The following RNF170 variants were observed in gnomAD, a reference collection of about 807,000 sequenced individuals.
RNF170 encodes ring finger protein 170, also known as E3 ubiquitin-protein ligase RNF170.
In RNF170, 12 loss-of-function variants were observed where a neutral mutation model predicts 32.7. The ratio of observed to expected loss-of-function variants is 0.37; its 90% CI spans 0.24 to 0.60. The LOEUF (loss-of-function observed/expected upper bound fraction) is 0.60. RNF170 is among the 20% of genes least tolerant of loss of function. The pLI is 0.72. For missense variants in RNF170, 212 were observed against 311.2 expected (o/e 0.68, Z 2.40); for synonymous variants, 91 against 103.6 (o/e 0.88, Z 0.74).
intron 2 of RNF170, among the ~76,000 whole-genome samples, chr8:42,883,292 A>C (rs1349498893): frequency 1.3e-5 from 2 of 152,162 alleles, no homozygotes; most frequent in East Asian, 3.8e-4. Flanking sequence ...CCCAAAATCT[A>C]AAATTTAAAA....
At chr8:42,895,626 C>G (rs2130258639) in intron 1 of RNF170, among the ~76,000 whole-genome samples, 1 of 152,306 alleles carries the variant, frequency 6.6e-6, no homozygotes, top group African/African-American at 2.4e-5. Flanking sequence ...TCAGTCTGAA[C>G]AAAATGCCCA....
intron 2 of RNF170, among the ~76,000 whole-genome samples, chr8:42,885,998 G>A (rs1371341878): frequency 2.0e-5 from 3 of 152,108 alleles, no homozygotes; most frequent in Non-Finnish European, 4.4e-5. Context: ...CGAGGTGGGC[G>A]AATCAACTGA....
intron 2 of RNF170, among the ~76,000 whole-genome samples, chr8:42,885,668 G>A (rs1368563185): frequency 6.6e-6 from 1 of 152,140 alleles, no homozygotes; most frequent in African/African-American, 2.4e-5. Context: ...CTGGTGATTA[G>A]TAATGTTGAG....
chr8:42,874,142 A>T (rs753534132), intron 2 of RNF170, 136 bp from the exon 3 acceptor site: 2 of 666,890 alleles, frequency 3.0e-6, no homozygotes, highest in African/African-American at 1.8e-5. Context: ...CACTTCCAGG[A>T]CTGTACGTTT....
chr8:42,858,877 G>T (rs1335436402), intron 6 of RNF170, among the ~76,000 whole-genome samples: 1 of 152,170 alleles, frequency 6.6e-6, no homozygotes, highest in Admixed American at 6.5e-5. Flanking sequence ...CCACAGTAAG[G>T]AGTTGGAACA....
At chr8:42,892,102 C>CA (rs1414848984) in intron 1 of RNF170, among the ~76,000 whole-genome samples, 96 of 152,302 alleles carry the variant, frequency 6.3e-4, no homozygotes, top group Non-Finnish European at 1.1e-3. Flanking sequence ...GCATGACTGG[C>CA]ATGTCAACTG....
chr8:42,876,937 G>A (rs577545013), intron 2 of RNF170, among the ~76,000 whole-genome samples: 4 of 150,024 alleles, frequency 2.7e-5, no homozygotes, highest in East Asian at 2.0e-4. Flanking sequence ...TTACAGGCGT[G>A]AGCCACTGTG....
At chr8:42,895,758 T>C (rs1405426683) in intron 1 of RNF170, among the ~76,000 whole-genome samples, 1 of 152,114 alleles carries the variant, frequency 6.6e-6, no homozygotes, top group Non-Finnish European at 1.5e-5. Flanking sequence ...CAACACACTG[T>C]GATCCACCCG....
Position 42,855,757 on chromosome 8 carries a change from C to A in RNF170, c.*402G>T. Reference sequence around the variant, plus strand: ...AAAAATATTTAGATGAGTTTCACAGCTATATATTATCATATAGGTACCTGC... The same window carrying A: ...AAAAATATTTAGATGAGTTTCACAGATATATATTATCATATAGGTACCTGC... On this transcript the variant is annotated 3_prime_UTR_variant, in exon 7 of 7. Transcript: ENST00000527424. The A allele has an allele frequency of 8.0e-7, 1 of 1,254,460 alleles. No homozygotes were observed. Among genetic ancestry groups the A allele is most frequent in the Middle Eastern group, 3.4e-4 (1 of 2,952 alleles). The allele number at this position is 1,254,460 out of a possible 1,614,324, so 77.7% of individuals were successfully genotyped here. A position where few individuals can be genotyped will look rare whatever the true frequency, so the allele number is the denominator to read the frequency against.
chr8:42,854,917 T>G lies in RNF170; in HGVS notation c.*1242A>C. On this transcript the variant is annotated 3_prime_UTR_variant, in exon 7 of 7. Transcript: ENST00000527424. ...GCTGTGTGCTGCCATCCTGAGACAG[T>G]ATTATAAAAATTTCTGACAACAGAA... 7.8e-7 allele frequency: 1 copy of G among 1,287,248 alleles called. No homozygotes were observed. Among genetic ancestry groups the G allele is most frequent in the Non-Finnish European group, 1.0e-6 (1 of 988,700 alleles). 79.7% of individuals were successfully genotyped at this position (1,287,248 alleles called of 1,614,324 possible).
At chr8:42,896,278 C>T (rs1450163750) in intron 1 of RNF170, 1 of 348,626 alleles carries the variant, frequency 2.9e-6, no homozygotes, top group East Asian at 9.0e-5. Flanking sequence ...CGCGTCGGCC[C>T]CTCCACCGTC....
In RNF170 at chr8:42,869,975, T is replaced by C. The variant is rs766190742; in HGVS notation, c.322+29A>G. 2.2e-5 allele frequency: 33 copies of C among 1,524,264 alleles called. No homozygotes were observed. In the East Asian group the frequency reaches 5.8e-4, roughly 27 times the overall value. 94.4% of individuals were successfully genotyped at this position (1,524,264 alleles called of 1,614,324 possible). On this transcript the variant is annotated intron_variant, in intron 4 of 6. Transcript: ENST00000527424. ...TAGAGGTCTTGGTCTACACAGTCAC[T>C]TTTCCCAAGTATAGCGTTGTTTGCT...
rs970944639 is a variant in RNF170, at chr8:42,856,076, T to C, written c.*83A>G. 4.4e-6 allele frequency: 7 copies of C among 1,602,696 alleles called. No individual in the cohort carries two copies. In the African/African-American group the frequency reaches 9.4e-5, roughly 21 times the overall value. ...TGTGAGATAATACTCCATTGCTTCATTGCTTTATACTGCCATGGGTCCTTC... is the reference window on the plus strand; with the variant it reads ...TGTGAGATAATACTCCATTGCTTCACTGCTTTATACTGCCATGGGTCCTTC... On this transcript the variant is annotated 3_prime_UTR_variant, in exon 7 of 7. Coordinates refer to ENST00000527424, the MANE Select transcript of RNF170 (RefSeq NM_030954.4).
At chr8:42,859,226 G>C (rs1282741119) in intron 6 of RNF170, among the ~76,000 whole-genome samples, 3 of 152,136 alleles carry the variant, frequency 2.0e-5, no homozygotes, top group Admixed American at 6.5e-5. Context: ...TTTATGTCTA[G>C]AAAACATGTA....
chr8:42,850,739 G>A, downstream of RNF170: 1 of 1,549,338 alleles, frequency 6.5e-7, no homozygotes, highest in Non-Finnish European at 8.7e-7. Context: ...GCCTACTTTT[G>A]CACTACTTTT....
At chr8:42,879,871 C>T (rs1012041006) in intron 2 of RNF170, among the ~76,000 whole-genome samples, 6 of 152,008 alleles carry the variant, frequency 3.9e-5, no homozygotes, top group Non-Finnish European at 5.9e-5. Flanking sequence ...GACAAGGTTT[C>T]GCCACGTTGG....
intron 5 of RNF170, among the ~76,000 whole-genome samples, chr8:42,863,159 C>T (rs1261589134): frequency 6.6e-6 from 1 of 152,178 alleles, no homozygotes; most frequent in Admixed American, 6.5e-5. Context: ...CAAGCATTTG[C>T]CATCTGTCTT....
At chr8:42,895,707 T>C (rs1458632702) in intron 1 of RNF170, among the ~76,000 whole-genome samples, 3 of 152,184 alleles carry the variant, frequency 2.0e-5, no homozygotes, top group South Asian at 2.1e-4. Flanking sequence ...TACCTATACA[T>C]ACACAGTACA....
Position 42,854,137 on chromosome 8 carries a change from T to TA in RNF170, c.*2021dup. ...CTGTGATGTATGCCACCCTTTTACC[T>TA]ATTTGATTTGGAAGTGTAGAATTCG... On this transcript the variant is annotated 3_prime_UTR_variant, in exon 7 of 7. Coordinates refer to ENST00000527424, the MANE Select transcript of RNF170 (RefSeq NM_030954.4). The TA allele has an allele frequency of 7.8e-7, 1 of 1,287,264 alleles. No individual in the cohort carries two copies. Among genetic ancestry groups the TA allele is most frequent in the Admixed American group, 2.3e-5 (1 of 43,562 alleles). The allele number at this position is 1,287,264 out of a possible 1,614,324, so 79.7% of individuals were successfully genotyped here.
Sources: gnomAD v4.1 joint callset for allele counts (sites outside exome capture counted in the v4.1 genomes callset) on GRCh38, gnomAD v4.1.1 for gene constraint, MANE v1.5 for transcripts, NCBI Gene and HGNC (gene_info 2026-07-23, HGNC 2026-07-21) for gene names.